Variants in NEGR1 observed in about 807,000 individuals in gnomAD.
NEGR1 encodes neuronal growth regulator 1.
Under a neutral mutation model 40.9 loss-of-function variants are expected in NEGR1, and 10 were observed. The ratio of observed to expected loss-of-function variants is 0.24; its 90% CI spans 0.15 to 0.42. The LOEUF (loss-of-function observed/expected upper bound fraction) is 0.42. NEGR1 is among the 10% of genes least tolerant of loss of function. The pLI, the probability that NEGR1 is intolerant of heterozygous loss-of-function variation, is 1.00. For missense variants in NEGR1, 352 were observed against 438.9 expected (o/e 0.80, Z 1.77); for synonymous variants, 185 against 166.8 (o/e 1.11, Z -0.84).
chr1:72,058,530 C>G (rs1311882103), intron 1 of NEGR1, among the ~76,000 whole-genome samples: 1 of 151,624 alleles, frequency 6.6e-6, no homozygotes, highest in African/African-American at 2.4e-5. Context: ...ATTTAAGCCA[C>G]AGTTTTGGCT....
intron 6 of NEGR1, among the ~76,000 whole-genome samples, chr1:71,477,164 A>C (rs185160649): frequency 6.6e-6 from 1 of 152,258 alleles, no homozygotes; most frequent in Admixed American, 6.5e-5. Context: ...AGTGCAGTTT[A>C]AAGTGTTTTT....
At chr1:71,438,977 T>C (rs1312338963) in intron 6 of NEGR1, among the ~76,000 whole-genome samples, 1 of 152,180 alleles carries the variant, frequency 6.6e-6, no homozygotes, top group African/African-American at 2.4e-5. Context: ...CATATTCTTT[T>C]TGCCCTATTC....
Position 72,039,613 on chromosome 1 carries a change from C to A in NEGR1, c.177-104302G>T, listed in dbSNP as rs1157790263. Among the ~76,000 whole-genome samples, 3 of 151,860 alleles carry A rather than the reference C, an allele frequency of 2.0e-5. No individual in the cohort carries two copies. In the South Asian group the frequency reaches 6.2e-4, roughly 31 times the overall value. On this transcript the variant is annotated intron_variant, in intron 1 of 6. Coordinates refer to ENST00000357731, the MANE Select transcript of NEGR1 (RefSeq NM_173808.3). ...CCCGATACCAACTCAATATTGGGAT[C>A]AAGAAGATGTTGGAGTTTTTACTAT...
chr1:71,715,880 G>A lies in NEGR1; in HGVS notation c.536-17741C>T, dbSNP rs141634166. Among the ~76,000 whole-genome samples, 278 of 152,122 alleles carry A rather than the reference G, an allele frequency of 1.8e-3. 2 individuals carry two copies. Among genetic ancestry groups the A allele is most frequent in the African/African-American group, 6.5e-3 (271 of 41,494 alleles). The stretch of plus-strand genomic sequence containing the variant: ...CTTTTGAACCCTCCAAACTGTTCCA[G>A]CCTCCGCCTGTTACCCAGTTCCAAA... On this transcript the variant is annotated intron_variant, in intron 3 of 6. Coordinates refer to ENST00000357731, the MANE Select transcript of NEGR1 (RefSeq NM_173808.3).
intron 2 of NEGR1, among the ~76,000 whole-genome samples, chr1:71,782,845 A>G (rs1656765015): frequency 6.6e-6 from 1 of 152,200 alleles, no homozygotes. Context: ...TAACTCATTT[A>G]GAAGCATAAT....
chr1:71,523,174 T>C (rs1262267708), intron 6 of NEGR1, among the ~76,000 whole-genome samples: 1 of 151,654 alleles, frequency 6.6e-6, no homozygotes, highest in East Asian at 2.0e-4. Context: ...TAAGTTTGGG[T>C]TGTTGGGTTG....
intron 2 of NEGR1, among the ~76,000 whole-genome samples, chr1:71,822,348 G>A (rs920809857): frequency 3.9e-5 from 6 of 152,004 alleles, no homozygotes; most frequent in African/African-American, 1.4e-4. Flanking sequence ...CACCTGCAAT[G>A]AAAGAGGCAT....
intron 1 of NEGR1, chr1:72,100,780 C>T (rs558828358): frequency 9.9e-5 from 15 of 152,140 alleles, no homozygotes; most frequent in Admixed American, 2.6e-4. Context: ...TAACAAAATC[C>T]ACAGATTGGG....
chr1:71,708,071 T>C (rs936534751), intron 3 of NEGR1, among the ~76,000 whole-genome samples: 1 of 151,670 alleles, frequency 6.6e-6, no homozygotes, highest in African/African-American at 2.4e-5. Context: ...ACAATAAATA[T>C]AATACCTAAC....
intron 4 of NEGR1, among the ~76,000 whole-genome samples, chr1:71,629,888 T>C (rs1392591645): frequency 6.6e-6 from 1 of 152,006 alleles, no homozygotes; most frequent in Non-Finnish European, 1.5e-5. Flanking sequence ...ACATAACTGA[T>C]AAGTGATAAA....
chr1:72,180,870 C>G (rs1161828922), intron 1 of NEGR1, among the ~76,000 whole-genome samples: 1 of 152,134 alleles, frequency 6.6e-6, no homozygotes, highest in Non-Finnish European at 1.5e-5. Context: ...TTCTGACTTC[C>G]TCCTCTGGAT....
Position 71,500,557 on chromosome 1 carries a change from A to G in NEGR1, c.940+92260T>C, listed in dbSNP as rs141521546. ...TAAACATCAGATGAAGTGCCACTTT[A>G]TCCTCAACATCACTTAATGTTTGTA... On this transcript the variant is annotated intron_variant, in intron 6 of 6. Transcript: ENST00000357731. Among the ~76,000 whole-genome samples, 16 of 152,206 alleles carry G rather than the reference A, an allele frequency of 1.1e-4. No individual in the cohort carries two copies. The East Asian group carries it at 2.7e-3, about 26-fold the overall frequency.
intron 4 of NEGR1, among the ~76,000 whole-genome samples, chr1:71,643,277 C>T (rs1339395926): frequency 6.6e-6 from 1 of 151,930 alleles, no homozygotes; most frequent in East Asian, 1.9e-4. Context: ...AACATTAATG[C>T]AACGTATTTG....
At chr1:72,189,687 AGAG>A (rs1258471537) in intron 1 of NEGR1, among the ~76,000 whole-genome samples, 1 of 151,570 alleles carries the variant, frequency 6.6e-6, no homozygotes, top group Non-Finnish European at 1.5e-5. Flanking sequence ...ATAAGAAGAT[AGAG>A]GTTAAGAGGT....
intron 4 of NEGR1, among the ~76,000 whole-genome samples, chr1:71,631,879 AC>A (rs1446943324): frequency 4.0e-5 from 6 of 151,794 alleles, no homozygotes; most frequent in African/African-American, 1.4e-4. Flanking sequence ...GCACGTTCAT[AC>A]AGTATAGCAA....
chr1:71,844,845 T>C (rs545639255), intron 2 of NEGR1, among the ~76,000 whole-genome samples: 30 of 152,218 alleles, frequency 2.0e-4, no homozygotes, highest in African/African-American at 7.2e-4. Context: ...AGGACAGAGA[T>C]TGTCTTGTCT....
intron 1 of NEGR1, among the ~76,000 whole-genome samples, chr1:72,150,439 A>G (rs993498217): frequency 4.6e-5 from 7 of 152,170 alleles, no homozygotes; most frequent in African/African-American, 1.4e-4. Flanking sequence ...ATAAACTGAA[A>G]TGAATTTGAG....
At chr1:71,922,591 T>C (rs956328004) in intron 2 of NEGR1, among the ~76,000 whole-genome samples, 1 of 152,212 alleles carries the variant, frequency 6.6e-6, no homozygotes, top group Non-Finnish European at 1.5e-5. Context: ...TATTTTACAG[T>C]CTAACTTTGT....
intron 1 of NEGR1, among the ~76,000 whole-genome samples, chr1:72,092,872 A>T (rs1484202011): frequency 1.3e-5 from 2 of 152,048 alleles, no homozygotes; most frequent in Middle Eastern, 3.2e-3. Context: ...GGCTGGTCTC[A>T]AATTTCTGGG....
Sources: allele counts gnomAD v4.1 joint callset (sites outside exome capture counted in the v4.1 genomes callset), GRCh38; gene constraint gnomAD v4.1.1; transcripts MANE v1.5; gene names NCBI Gene and HGNC (gene_info 2026-07-23, HGNC 2026-07-21).